The following HPRT1 variants were observed in gnomAD, a reference collection of about 807,000 sequenced individuals.
The protein encoded by HPRT1 is hypoxanthine phosphoribosyltransferase 1.
Under a neutral mutation model 19.0 loss-of-function variants are expected in HPRT1, and 4 were observed. That is an observed-to-expected ratio of 0.21 (90% CI 0.10 to 0.48). HPRT1 has a LOEUF of 0.48. Ranked by LOEUF, HPRT1 falls within the 20% of genes least tolerant of loss-of-function variation. The pLI is 0.98. For synonymous variants in HPRT1, 53 were observed against 54.9 expected (o/e 0.97, Z 0.15); for missense variants, 65 against 164.0 (o/e 0.40, Z 3.30).
At chrX:134,473,261 T>C (rs1425359464) in intron 1 of HPRT1, 98 bp from the exon 2 acceptor site, 9 of 567,313 alleles carry the variant, frequency 1.6e-5, no homozygotes, top group Non-Finnish European at 2.8e-5. Flanking sequence ...TACACCTAAA[T>C]TTCTCTGATA....
At chrX:134,463,534 A>G (rs973146496) in intron 1 of HPRT1, among the ~76,000 whole-genome samples, 1 of 111,228 alleles carries the variant, frequency 9.0e-6, no homozygotes, top group Non-Finnish European at 1.9e-5. Context: ...AGAGCAGTTC[A>G]GTTCAGGGGT....
chrX:134,481,226 A>G (rs747694682), intron 3 of HPRT1, among the ~76,000 whole-genome samples: 1 of 110,997 alleles, frequency 9.0e-6, no homozygotes, highest in African/African-American at 3.3e-5. Flanking sequence ...CATCCTACAT[A>G]TCTGCTACTT....
intron 1 of HPRT1, among the ~76,000 whole-genome samples, chrX:134,467,541 G>A (rs760222084): frequency 4.4e-4 from 49 of 111,468 alleles, no homozygotes; most frequent in African/African-American, 1.5e-3. Flanking sequence ...TATTAGATGG[G>A]GTTAATTAAT....
chrX:134,465,256 C>T lies in HPRT1; in HGVS notation c.27+4918C>T, dbSNP rs755594981. Among the ~76,000 whole-genome samples, 5 of 109,093 alleles carry T rather than the reference C, an allele frequency of 4.6e-5. No individual in the cohort carries two copies. The South Asian group carries it at 2.0e-3, about 44-fold the overall frequency. 94.7% of individuals were successfully genotyped at this position (109,093 alleles called of 115,157 possible). A position where few individuals can be genotyped will look rare whatever the true frequency, so the allele number is the denominator to read the frequency against. On this transcript the variant is annotated intron_variant, in intron 1 of 8. Coordinates refer to ENST00000298556, the MANE Select transcript of HPRT1 (RefSeq NM_000194.3). ...TAACCACAAAGAGACTTAAGCAGTC[C>T]TTGTCACAGATGATGAATTGATGTT...
At chrX:134,493,713 A>G (rs2077673627) in intron 6 of HPRT1, 123 bp downstream of exon 6, 1 of 529,038 alleles carries the variant, frequency 1.9e-6, no homozygotes, top group East Asian at 3.5e-5. Context: ...GTAATCTCAT[A>G]TAAGACTTAA....
At chrX:134,498,235 C>T (rs1389716855) in intron 6 of HPRT1, among the ~76,000 whole-genome samples, 155 bp from the exon 7 acceptor site, 2 of 112,016 alleles carry the variant, frequency 1.8e-5, no homozygotes, top group Non-Finnish European at 3.8e-5. Context: ...CATAATTTAG[C>T]TCTCCATTTC....
Position 134,498,481 on chromosome X carries a change from C to A in HPRT1, c.532+45C>A, listed in dbSNP as rs113467921. ...TGTCAATCATTTAACCATCTTTAAC[C>A]TAAAAGAGTTTTATGTGAAATGGCT... On this transcript the variant is annotated intron_variant, in intron 7 of 8. Transcript: ENST00000298556. 5.7e-3 allele frequency: 6,281 copies of A among 1,101,137 alleles called. 20 individuals carry two copies. Among genetic ancestry groups the A allele is most frequent in the South Asian group, 0.023 (1,227 of 54,500 alleles). 90.7% of individuals were successfully genotyped at this position (1,101,137 alleles called of 1,213,427 possible).
At position 134,468,423 on chromosome X, in the gene HPRT1, G is replaced by T. The variant is rs2077602669; in HGVS notation, c.28-4936G>T. On this transcript the variant is annotated intron_variant, in intron 1 of 8. Transcript: ENST00000298556. ...AGATCAGGAGATCGAGACCATCCTG[G>T]CTAACATGGTGAAATCCCGTCTTTA... is the stretch of plus-strand genomic sequence containing the variant. 3.7e-5 allele frequency among the ~76,000 whole-genome samples: 4 copies of T among 107,405 alleles called. No individual in the cohort carries two copies. The South Asian group carries it at 1.7e-3, about 45-fold the overall frequency. The allele number at this position is 107,405 out of a possible 115,157, so 93.3% of individuals were successfully genotyped here. A position where few individuals can be genotyped will look rare whatever the true frequency, so the allele number is the denominator to read the frequency against.
At position 134,498,409 on chromosome X, in the gene HPRT1, C is replaced by G. The variant is rs534390401; in HGVS notation, c.505C>G (p.Pro169Ala). 2.4e-5 allele frequency: 29 copies of G among 1,204,507 alleles called. No individual in the cohort carries two copies. In the East Asian group the frequency reaches 4.4e-4, roughly 18 times the overall value. Residue 169 changes from proline (P) to alanine (A), a missense_variant, in exon 7 of 9, where the codon CCA (proline) becomes GCA (alanine). Around this residue, in one of 4 missense-constraint regions of HPRT1, gnomAD observed 16 missense variants for 65.7 expected, o/e 0.24. Coordinates refer to ENST00000298556, the MANE Select transcript of HPRT1 (RefSeq NM_000194.3). ...TAACAGCTTGCTGGTGAAAAGGACC[C>G]CACGAAGTGTTGGATATAAGCCAGA... Reference protein sequence around the residue: ...KVASLLVKRTPRSVGYKPDFV... With the variant: ...KVASLLVKRTARSVGYKPDFV...
In HPRT1 at chrX:134,500,062, A is replaced by G; in HGVS notation, c.642A>G (p.Ala214=). ...HVCVISETGK[A]KYKA Reference sequence around the variant, plus strand: ...GTGTCATTAGTGAAACTGGAAAAGCAAAATACAAAGCCTAAGATGAGAGTT... The same window carrying G: ...GTGTCATTAGTGAAACTGGAAAAGCGAAATACAAAGCCTAAGATGAGAGTT... The change falls in exon 9 of 9, where the codon GCA becomes GCG. Residue 214 remains alanine, a synonymous_variant. Transcript: ENST00000298556. 8.5e-7 allele frequency: 1 copy of G among 1,179,111 alleles called. No homozygotes were observed. The highest frequency in any genetic ancestry group is 1.2e-6 in the Non-Finnish European group (1 of 865,610).
intron 3 of HPRT1, among the ~76,000 whole-genome samples, chrX:134,481,557 A>G (rs2077640644): frequency 9.3e-6 from 1 of 107,190 alleles, no homozygotes; most frequent in Admixed American, 1.0e-4. Flanking sequence ...CTATCTATCT[A>G]TCTAAAGCAA....
At chrX:134,465,210 C>CTT (rs754295702) in intron 1 of HPRT1, among the ~76,000 whole-genome samples, 5 of 100,149 alleles carry the variant, frequency 5.0e-5, no homozygotes, top group Non-Finnish European at 6.1e-5. Flanking sequence ...GCCAACATGT[C>CTT]TTTTTTTTTT....
At chrX:134,472,892 G>C (rs1220657263) in intron 1 of HPRT1, among the ~76,000 whole-genome samples, 1 of 108,189 alleles carries the variant, frequency 9.2e-6, no homozygotes, top group Non-Finnish European at 1.9e-5. Context: ...TTGTTTGTTT[G>C]TTTTGTTTTT....
intron 2 of HPRT1, among the ~76,000 whole-genome samples, chrX:134,473,667 T>C (rs1335235231): frequency 8.9e-6 from 1 of 111,951 alleles, no homozygotes. Context: ...AGTGGGACTC[T>C]GTAGGGACCA....
chrX:134,498,499 A>T, intron 7 of HPRT1, 63 bp downstream of exon 7: 2 of 1,044,778 alleles, frequency 1.9e-6, no homozygotes, highest in Non-Finnish European at 2.7e-6. Flanking sequence ...GTTTTATGTG[A>T]AATGGCTTAT....
chrX:134,494,878 G>A (rs1238275488), intron 6 of HPRT1, among the ~76,000 whole-genome samples: 1 of 111,455 alleles, frequency 9.0e-6, no homozygotes, highest in African/African-American at 3.3e-5. Flanking sequence ...AACAATACTT[G>A]GGTCATTTCT....
At chrX:134,499,939 A>G in intron 8 of HPRT1, 91 bp from the exon 9 acceptor site, 1 of 607,628 alleles carries the variant, frequency 1.6e-6, no homozygotes, top group South Asian at 2.4e-5. Context: ...AACCCTGACA[A>G]CTAATAGTGT....
chrX:134,488,396 C>A (rs2124299240), intron 4 of HPRT1, among the ~76,000 whole-genome samples: 1 of 111,073 alleles, frequency 9.0e-6, no homozygotes, highest in Admixed American at 9.7e-5. Context: ...CTCAGCCTCC[C>A]AAAGTACCGG....
intron 6 of HPRT1, among the ~76,000 whole-genome samples, chrX:134,495,197 G>GAAAAA (rs56037049): frequency 1.5e-5 from 1 of 67,557 alleles, no homozygotes; most frequent in Non-Finnish European, 2.9e-5. Context: ...CCCTGTCTCA[G>GAAAAA]AAAAAAAAAA....
Sources: gnomAD v4.1 joint callset for allele counts (sites outside exome capture counted in the v4.1 genomes callset) on GRCh38, gnomAD v4.1.1 for gene constraint, gnomAD v4.1.1 regional missense constraint, MANE v1.5 for transcripts, NCBI Gene and HGNC (gene_info 2026-07-23, HGNC 2026-07-21) for gene names.